The following DLG2 variants were observed in gnomAD, a reference collection of about 807,000 sequenced individuals.
DLG2 encodes the protein discs large MAGUK scaffold protein 2, also known as disks large homolog 2.
DLG2 carries 45 observed loss-of-function variants against 132.5 expected under a neutral mutation model. That is an observed-to-expected ratio of 0.34 (90% CI 0.27 to 0.44). The LOEUF (loss-of-function observed/expected upper bound fraction) is 0.44, where lower values mean the gene tolerates loss of function less well. Among genes scored for constraint, DLG2 ranks in the 20% least tolerant of loss-of-function variants. The pLI is 1.00. For missense variants in DLG2, 1,045 were observed against 1,196.9 expected (o/e 0.87, Z 1.87); for synonymous variants, 424 against 419.6 (o/e 1.01, Z -0.13).
chr11:85,478,012 CTT>C (rs796751194), intron 3 of DLG2, among the ~76,000 whole-genome samples: 2 of 144,282 alleles, frequency 1.4e-5, no homozygotes, highest in African/African-American at 5.1e-5. Context: ...AACAATAGCA[CTT>C]TTTTTTTTTT....
At chr11:85,354,290 AT>A (rs1229235608) in intron 3 of DLG2, among the ~76,000 whole-genome samples, 2 of 152,200 alleles carry the variant, frequency 1.3e-5, no homozygotes, top group Non-Finnish European at 2.9e-5. Flanking sequence ...ACTTAAAAAA[AT>A]GATTTAAGTA....
chr11:84,153,132 A>G (rs2095344027), intron 9 of DLG2, among the ~76,000 whole-genome samples: 1 of 152,152 alleles, frequency 6.6e-6, no homozygotes, highest in African/African-American at 2.4e-5. Context: ...TCTTGGTTGG[A>G]ATGTCTTTTC....
At chr11:85,492,649 T>G (rs2153108516) in intron 3 of DLG2, among the ~76,000 whole-genome samples, 1 of 152,186 alleles carries the variant, frequency 6.6e-6, no homozygotes, top group South Asian at 2.1e-4. Flanking sequence ...CCCTTTATTA[T>G]GTCAAATGAA....
At chr11:84,198,417 A>T (rs888424857) in intron 8 of DLG2, among the ~76,000 whole-genome samples, 2 of 152,160 alleles carry the variant, frequency 1.3e-5, no homozygotes, top group African/African-American at 4.8e-5. Context: ...TATAAAAGGA[A>T]AATCAATTTT....
intron 3 of DLG2, among the ~76,000 whole-genome samples, chr11:85,363,790 T>A (rs767946247): frequency 8.0e-4 from 122 of 152,236 alleles, no homozygotes; most frequent in Non-Finnish European, 1.4e-3. Context: ...TGTTCATTCA[T>A]CTTTTCATAT....
At chr11:84,334,310 C>T (rs1007798430) in intron 7 of DLG2, among the ~76,000 whole-genome samples, 1 of 152,132 alleles carries the variant, frequency 6.6e-6, no homozygotes, top group Non-Finnish European at 1.5e-5. Flanking sequence ...TGAGGTCTGG[C>T]CTGTATGAGG....
intron 6 of DLG2, among the ~76,000 whole-genome samples, chr11:84,828,427 G>C (rs1188587607): frequency 1.3e-5 from 2 of 151,746 alleles, no homozygotes; most frequent in African/African-American, 2.4e-5. Context: ...ACCAGAATAA[G>C]AATAGCTGAT....
At chr11:84,213,114 A>G (rs2096779478) in intron 8 of DLG2, among the ~76,000 whole-genome samples, 1 of 152,166 alleles carries the variant, frequency 6.6e-6, no homozygotes, top group Non-Finnish European at 1.5e-5. Flanking sequence ...GCAAACATAA[A>G]TCTTCAAAAT....
intron 6 of DLG2, among the ~76,000 whole-genome samples, chr11:84,579,326 C>T (rs900590552): frequency 6.6e-6 from 1 of 151,910 alleles, no homozygotes; most frequent in African/African-American, 2.4e-5. Context: ...TAGCCAATTG[C>T]ACTTTTATTT....
intron 3 of DLG2, among the ~76,000 whole-genome samples, chr11:85,578,149 C>T (rs1197608583): frequency 6.6e-6 from 1 of 152,104 alleles, no homozygotes; most frequent in African/African-American, 2.4e-5. Flanking sequence ...GAAGGGATTC[C>T]CTAATCAACA....
At chr11:84,294,617 A>T (rs1275981890) in intron 7 of DLG2, among the ~76,000 whole-genome samples, 2 of 152,196 alleles carry the variant, frequency 1.3e-5, no homozygotes, top group African/African-American at 4.8e-5. Context: ...AAATAAATGA[A>T]AATGAAGAAC....
chr11:84,845,612 G>T (rs1205652206), intron 6 of DLG2, among the ~76,000 whole-genome samples: 3 of 151,240 alleles, frequency 2.0e-5, no homozygotes, highest in African/African-American at 7.3e-5. Context: ...TCTATTGGCA[G>T]AATTTTAATC....
At chr11:84,458,343 T>C (rs2099070948) in intron 7 of DLG2, among the ~76,000 whole-genome samples, 1 of 150,870 alleles carries the variant, frequency 6.6e-6, no homozygotes, top group African/African-American at 2.4e-5. Flanking sequence ...TGTTGCCAAA[T>C]TGCCTTCCAA....
At chr11:84,032,958 C>T (rs2095747445) in intron 11 of DLG2, among the ~76,000 whole-genome samples, 1 of 152,096 alleles carries the variant, frequency 6.6e-6, no homozygotes, top group South Asian at 2.1e-4. Context: ...ATATTTTAAG[C>T]CTACTCTTGA....
At chr11:84,094,351 T>A (rs1490033878) in intron 10 of DLG2, among the ~76,000 whole-genome samples, 3 of 152,322 alleles carry the variant, frequency 2.0e-5, no homozygotes, top group African/African-American at 7.2e-5. Flanking sequence ...TTATTAGGAT[T>A]ATTATTATTG....
At chr11:83,975,773 A>G (rs1024350876) in intron 12 of DLG2, among the ~76,000 whole-genome samples, 2 of 152,024 alleles carry the variant, frequency 1.3e-5, no homozygotes, top group Non-Finnish European at 2.9e-5. Context: ...TCTTTCAAAC[A>G]TATGTGGAAG....
At chr11:84,052,013 G>C (rs7941254) in intron 11 of DLG2, among the ~76,000 whole-genome samples, 112 of 151,934 alleles carry the variant, frequency 7.4e-4, no homozygotes, top group African/African-American at 2.5e-3. Flanking sequence ...ATATGGGTGA[G>C]GGGCGAGTGA....
At chr11:83,697,385 G>GCCA (rs1359614068) in intron 18 of DLG2, among the ~76,000 whole-genome samples, 1 of 152,134 alleles carries the variant, frequency 6.6e-6, no homozygotes, top group Non-Finnish European at 1.5e-5. Flanking sequence ...CAAACCACAG[G>GCCA]CCACTGGCTT....
intron 17 of DLG2, among the ~76,000 whole-genome samples, chr11:83,796,933 G>A (rs907596449): frequency 5.3e-5 from 8 of 152,072 alleles, no homozygotes; most frequent in East Asian, 1.9e-4. Flanking sequence ...ATTCTGTGGC[G>A]TACAGAGGAG....
Sources: gnomAD v4.1 joint callset for allele counts (sites outside exome capture counted in the v4.1 genomes callset) on GRCh38, gnomAD v4.1.1 for gene constraint, MANE v1.5 for transcripts, NCBI Gene and HGNC (gene_info 2026-07-23, HGNC 2026-07-21) for gene names.